The following ZNF584 variants were observed in gnomAD, a reference collection of about 807,000 sequenced individuals.
The protein encoded by ZNF584 is zinc finger protein 584.
ZNF584 carries 12 observed loss-of-function variants against 14.7 expected under a neutral mutation model. The ratio of observed to expected loss-of-function variants is 0.82; its 90% CI spans 0.52 to 1.32. The LOEUF is 1.32. Among genes scored for constraint, ZNF584 ranks in the 40% most tolerant of loss-of-function variants. The pLI is 0.00. For synonymous variants in ZNF584, 204 were observed against 190.9 expected (o/e 1.07, Z -0.57); for missense variants, 478 against 518.8 (o/e 0.92, Z 0.76).
At chr19:58,407,246 G>A (rs2052480945), upstream of ZNF584, 1 of 152,268 alleles carries the variant, frequency 6.6e-6, no homozygotes, top group African/African-American at 2.4e-5. Flanking sequence ...GTTTTTGAGA[G>A]TCCAGGCCAG....
chr19:58,417,127 C>G lies in ZNF584; in HGVS notation c.609C>G (p.Asn203Lys), dbSNP rs772047037. The G allele has an allele frequency of 1.2e-6, 2 of 1,613,882 alleles. No individual in the cohort carries two copies. The highest frequency in any genetic ancestry group is 3.3e-5 in the Admixed American group (2 of 59,986). ...RSAFKKSAHINPRKIHTGETA... is the reference protein window; with the variant it reads ...RSAFKKSAHIKPRKIHTGETA... ...CTTTCAAGAAGTCAGCTCATATTAA[C>G]CCCCGAAAAATTCACACTGGAGAAA... Residue 203 changes from asparagine to lysine, a missense_variant, in exon 4 of 4, where the codon AAC becomes AAG. Physicochemically the swap from Asn to Lys is moderately conservative, Grantham distance 94. Transcript: ENST00000306910.
rs1023916564 is a variant in ZNF584, at chr19:58,418,023, A to G, written c.*239A>G. On this transcript the variant is annotated 3_prime_UTR_variant, in exon 4 of 4. Coordinates refer to ENST00000306910, the MANE Select transcript of ZNF584 (RefSeq NM_173548.3). ...ACCGCCATCCACCTCTATCCACCCC[A>G]TAAGGTCCCTACAGCAAGTGGGACA... 4 of 544,104 alleles carry G rather than the reference A, an allele frequency of 7.4e-6. No individual in the cohort carries two copies. The highest frequency in any genetic ancestry group is 6.7e-5 in the Admixed American group (2 of 29,744). 33.7% of individuals were successfully genotyped at this position (544,104 alleles called of 1,614,324 possible).
rs11668757 is a variant in ZNF584 at position 58,416,932 on chromosome 19, A to C, written c.414A>C (p.Ala138=). 6.2e-7 allele frequency: 1 copy of C among 1,609,270 alleles called. No individual in the cohort carries two copies. The highest frequency in any genetic ancestry group is 8.5e-7 in the Non-Finnish European group (1 of 1,177,386). Residue 138 remains alanine (A), a synonymous_variant, in exon 4 of 4, where the codon GCA becomes GCC. Transcript: ENST00000306910. ...GKPRRHTEHG[A]AFPPGSSCGQ... ...CAAGAAGGCACACTGAGCATGGGGC[A>C]GCTTTCCCACCTGGTTCCAGTTGTG...
upstream of ZNF584, chr19:58,405,791 G>A (rs7248075): frequency 0.068 from 11,073 of 162,228 alleles, 1,165 homozygotes; most frequent in African/African-American, 0.25. Context: ...ATGTGATGGC[G>A]GCCGGGAAGA....
At position 58,409,184 on chromosome 19, in the gene ZNF584, C is replaced by G. The variant is rs147393087; in HGVS notation, c.18+19C>G. On this transcript the variant is annotated intron_variant, in intron 1 of 3. Coordinates refer to ENST00000306910, the MANE Select transcript of ZNF584 (RefSeq NM_173548.3). ...GGCGGAGGTGAGCAGAGGATGCCTC[C>G]GAGGAATGAGGGGGCCCACCAGGTG... 1.9e-3 allele frequency: 2,717 copies of G among 1,420,126 alleles called. 34 individuals carry two copies. In the Admixed American group the frequency reaches 0.03, roughly 16 times the overall value. 88.0% of individuals were successfully genotyped at this position (1,420,126 alleles called of 1,614,324 possible).
At chr19:58,404,446 T>A (rs1237005132), upstream of ZNF584, 1 of 155,174 alleles carries the variant, frequency 6.4e-6, no homozygotes, top group East Asian at 1.9e-4. Flanking sequence ...TTAAGGAGCA[T>A]GCTGCCTTCA....
At chr19:58,416,403 ATT>A (rs143334237) in intron 3 of ZNF584, 69,175 of 132,672 alleles carry the variant, frequency 0.52, 18,738 homozygotes, top group African/African-American at 0.74. Context: ...TGCCTGGCTA[ATT>A]TTTTTTTTTT....
chr19:58,415,272 T>G (rs1226790303), intron 2 of ZNF584, among the ~76,000 whole-genome samples: 1 of 152,064 alleles, frequency 6.6e-6, no homozygotes, highest in East Asian at 1.9e-4. Flanking sequence ...TCACTGACGC[T>G]TTGACCTCCT....
chr19:58,410,415 T>C lies in ZNF584; in HGVS notation c.169+324T>C, dbSNP rs78584268. Among the ~76,000 whole-genome samples, 171 of 150,646 alleles carry C rather than the reference T, an allele frequency of 1.1e-3. 3 individuals are homozygous for C. The highest frequency in any genetic ancestry group is 4.0e-3 in the African/African-American group (163 of 40,912). ...TGGCCATGTGACTCTCTTGAAGACA[T>C]GGCTTCTCTGTGCTCTGGGTTTTGC... On this transcript the variant is annotated intron_variant, in intron 2 of 3. Transcript: ENST00000306910.
At position 58,410,543 on chromosome 19, in the gene ZNF584, A is replaced by AATTTTTTTTTTTTTTTTTTTTTTTTTTTT. The variant is rs1568584349; in HGVS notation, c.169+452_169+453insATTTTTTTTTTTTTTTTTTTTTTTTTTTT. Among the ~76,000 whole-genome samples the AATTTTTTTTTTTTTTTTTTTTTTTTTTTT allele has an allele frequency of 1.3e-4, 3 of 23,160 alleles. 1 individual carries two copies. The highest frequency in any genetic ancestry group is 7.7e-4 in the Admixed American group (2 of 2,588). 15.2% of individuals were successfully genotyped at this position (23,160 alleles called of 152,430 possible). On this transcript the variant is annotated intron_variant, in intron 2 of 3. Coordinates refer to ENST00000306910, the MANE Select transcript of ZNF584 (RefSeq NM_173548.3). ...AATATATATATATATATATATATATATATATATATATATATGTGTATATAT... is the reference window on the plus strand; with the variant it reads ...AATATATATATATATATATATATATAATTTTTTTTTTTTTTTTTTTTTTTTTTTTTATATATATATATATGTGTATATAT...
At chr19:58,416,022 C>T in intron 3 of ZNF584, 1 of 1,499,064 alleles carries the variant, frequency 6.7e-7, no homozygotes, top group East Asian at 2.3e-5. Flanking sequence ...GGACTAGACA[C>T]ATGCCTCCTC....
upstream of ZNF584, chr19:58,405,330 C>A (rs1306760880): frequency 1.1e-5 from 1 of 94,340 alleles, no homozygotes; most frequent in Non-Finnish European, 2.2e-5. Flanking sequence ...CCTCACTTCC[C>A]AGTAGGGGCG....
chr19:58,410,595 A>ATATATATG (rs1225955706), intron 2 of ZNF584, among the ~76,000 whole-genome samples: 3 of 35,098 alleles, frequency 8.5e-5, no homozygotes, highest in East Asian at 5.1e-4. Context: ...ATATATATGT[A>ATATATATG]TATATATGTA....
intron 2 of ZNF584, among the ~76,000 whole-genome samples, chr19:58,410,533 A>ATATG (rs1555785491): frequency 4.7e-5 from 1 of 21,438 alleles, no homozygotes; most frequent in Admixed American, 5.2e-4. Flanking sequence ...ATATATATAT[A>ATATG]TATATATATA....
intron 2 of ZNF584, among the ~76,000 whole-genome samples, chr19:58,413,619 GC>G (rs1170895200): frequency 3.3e-5 from 5 of 150,534 alleles, no homozygotes; most frequent in Non-Finnish European, 7.4e-5. Flanking sequence ...CGATTCTCCT[GC>G]CTCAGCCTCC....
upstream of ZNF584, chr19:58,408,222 CG>C (rs34918648): frequency 6.6e-6 from 1 of 152,332 alleles, no homozygotes; most frequent in South Asian, 2.1e-4. Flanking sequence ...GAGAGAATTT[CG>C]GGGCGGTTGC....
rs774994726 is a variant in ZNF584 at position 58,417,158 on chromosome 19, C to T, written c.640C>T (p.His214Tyr). 12 of 1,613,668 alleles carry T rather than the reference C, an allele frequency of 7.4e-6. No individual in the cohort carries two copies. The highest frequency in any genetic ancestry group is 1.3e-5 in the African/African-American group (1 of 75,000). The change falls in exon 4 of 4, where the codon CAT (histidine) becomes TAT (tyrosine). Residue 214 changes from histidine (H) to tyrosine (Y), a missense_variant. This residue lies in a region of ZNF584 where 283 missense variants were observed against 317.3 expected (regional missense o/e 0.89). Transcript: ENST00000306910. ...AAAAATTCACACTGGAGAAACAGCC[C>T]ATGTGTGTAATGAATGTGGGAAGGC... ...PRKIHTGETA[H>Y]VCNECGKAFS...
chr19:58,404,875 C>T (rs1463193899), upstream of ZNF584: 1 of 154,138 alleles, frequency 6.5e-6, no homozygotes, highest in Admixed American at 6.7e-5. Context: ...GACCCCCCCC[C>T]CCACCTCCCT....
chr19:58,406,017 C>G (rs909429996), upstream of ZNF584: 1 of 178,930 alleles, frequency 5.6e-6, no homozygotes, highest in South Asian at 9.6e-5. Context: ...GAGGTTGTAG[C>G]GAGCCGAGAT....
Sources: allele counts gnomAD v4.1 joint callset (sites outside exome capture counted in the v4.1 genomes callset), GRCh38; gene constraint gnomAD v4.1.1; regional missense constraint gnomAD v4.1.1; transcripts MANE v1.5; gene names NCBI Gene and HGNC (gene_info 2026-07-23, HGNC 2026-07-21).